Variants in AKAP19 observed in about 807,000 individuals in gnomAD.
The protein encoded by AKAP19 is A-kinase anchoring protein 19, also known as small A-kinase anchoring protein.
chr2:190,014,017 G>A, the AKAP19 span, among the ~76,000 whole-genome samples: 8 of 152,086 alleles, frequency 5.3e-5, no homozygotes, highest in South Asian at 1.5e-3. Context: ...ATAACGTTAG[G>A]TTGTTTATTT....
the AKAP19 span, among the ~76,000 whole-genome samples, chr2:190,141,969 T>C: frequency 6.6e-6 from 1 of 152,230 alleles, no homozygotes. Flanking sequence ...AGGTGAGGTC[T>C]GGAAAGTCCT....
At chr2:190,057,393 G>T in the AKAP19 span, 1 of 1,613,484 alleles carries the variant, frequency 6.2e-7, no homozygotes, top group African/African-American at 1.3e-5. Context: ...AACCTCTGGG[G>T]TTTGCTTGGT....
chr2:190,188,518 C>T, the AKAP19 span, among the ~76,000 whole-genome samples: 317 of 152,326 alleles, frequency 2.1e-3, 1 homozygote, highest in South Asian at 9.9e-3. Flanking sequence ...GCTGATCACA[C>T]CTGCTATCTT....
the AKAP19 span, among the ~76,000 whole-genome samples, chr2:190,165,857 A>G: frequency 6.6e-6 from 1 of 152,228 alleles, no homozygotes; most frequent in South Asian, 2.1e-4. Context: ...AGCACCAAAT[A>G]TAAGAAAGAA....
At chr2:190,067,929 C>T in the AKAP19 span, among the ~76,000 whole-genome samples, 14 of 151,996 alleles carry the variant, frequency 9.2e-5, no homozygotes, top group African/African-American at 1.2e-4. Context: ...GGGCCAGGCA[C>T]GGTGGCTCAT....
chr2:189,962,145 CATATTTTTAA>C, the AKAP19 span, among the ~76,000 whole-genome samples: 4 of 152,088 alleles, frequency 2.6e-5, no homozygotes, highest in African/African-American at 7.2e-5. Context: ...CATATTTTTA[CATATTTTTAA>C]ATATTGAGAT....
At chr2:189,912,987 C>T in the AKAP19 span, among the ~76,000 whole-genome samples, 45 of 152,106 alleles carry the variant, frequency 3.0e-4, no homozygotes, top group Non-Finnish European at 5.1e-4. Context: ...TTAAAATCAT[C>T]TATACCTGAG....
At chr2:190,200,244 G>A in the AKAP19 span, 1 of 982,006 alleles carries the variant, frequency 1.0e-6, no homozygotes, top group Non-Finnish European at 1.6e-6. Flanking sequence ...ATAACTATCT[G>A]GATTTAAAAA....
the AKAP19 span, among the ~76,000 whole-genome samples, chr2:189,946,251 C>T: frequency 1.3e-4 from 20 of 152,240 alleles, no homozygotes; most frequent in South Asian, 3.1e-3. Context: ...ATAAATACAG[C>T]GTTAAAAGAT....
chr2:189,995,978 A>G, the AKAP19 span, among the ~76,000 whole-genome samples: 1 of 152,168 alleles, frequency 6.6e-6, no homozygotes, highest in African/African-American at 2.4e-5. Context: ...TTAATCTGAT[A>G]AATTTTCCTT....
the AKAP19 span, chr2:189,923,334 C>T: frequency 6.2e-7 from 1 of 1,610,414 alleles, no homozygotes; most frequent in Non-Finnish European, 8.5e-7. Flanking sequence ...CCATCAAACA[C>T]AATGGCCAGC....
the AKAP19 span, among the ~76,000 whole-genome samples, chr2:190,195,230 G>A: frequency 1.3e-5 from 2 of 152,134 alleles, no homozygotes; most frequent in African/African-American, 4.8e-5. Context: ...TCACCAAGAA[G>A]GACATCTTGC....
the AKAP19 span, chr2:189,879,893 C>A: frequency 6.6e-6 from 1 of 152,290 alleles, no homozygotes; most frequent in African/African-American, 2.4e-5. Context: ...TCGCTATAGC[C>A]ACAGGGCTGA....
the AKAP19 span, among the ~76,000 whole-genome samples, chr2:189,986,370 A>G: frequency 2.2e-3 from 3 of 1,386 alleles, no homozygotes; most frequent in Non-Finnish European, 7.5e-3. Flanking sequence ...TGGGGGAGCA[A>G]AAAAAAAACA....
chr2:190,106,363 G>A, the AKAP19 span, among the ~76,000 whole-genome samples: 1 of 152,136 alleles, frequency 6.6e-6, no homozygotes, highest in Admixed American at 6.5e-5. Context: ...TTACTGAGTT[G>A]CTCTGCTTTC....
the AKAP19 span, among the ~76,000 whole-genome samples, chr2:190,195,451 G>C: frequency 6.6e-6 from 1 of 152,196 alleles, no homozygotes; most frequent in Non-Finnish European, 1.5e-5. Context: ...CAGTGAATGA[G>C]AGTTCTGTTG....
the AKAP19 span, among the ~76,000 whole-genome samples, chr2:189,988,964 A>T: frequency 6.6e-6 from 1 of 152,212 alleles, no homozygotes; most frequent in East Asian, 1.9e-4. Flanking sequence ...GACCATGGAG[A>T]TGAGGACAAC....
chr2:190,093,636 CAT>C, the AKAP19 span, among the ~76,000 whole-genome samples: 1 of 152,114 alleles, frequency 6.6e-6, no homozygotes, highest in African/African-American at 2.4e-5. Context: ...GTTTTGCTCT[CAT>C]ATTTCCCCTT....
the AKAP19 span, among the ~76,000 whole-genome samples, chr2:189,886,191 T>C: frequency 6.6e-6 from 1 of 152,222 alleles, no homozygotes; most frequent in Admixed American, 6.5e-5. Context: ...TTGAGGCTTC[T>C]TTATAGATCT....
Sources: allele counts gnomAD v4.1 joint callset (sites outside exome capture counted in the v4.1 genomes callset), GRCh38; gene constraint gnomAD v4.1.1; transcripts MANE v1.5; gene names NCBI Gene and HGNC (gene_info 2026-07-23, HGNC 2026-07-21).